Variants in BTBD2 observed in about 807,000 individuals in gnomAD.
BTBD2 encodes the protein BTB/POZ domain-containing protein 2.
Under a neutral mutation model 44.0 loss-of-function variants are expected in BTBD2, and 15 were observed. That is an observed-to-expected ratio of 0.34 (90% CI 0.23 to 0.53). The LOEUF (loss-of-function observed/expected upper bound fraction) is 0.53. Among genes scored for constraint, BTBD2 ranks in the 20% least tolerant of loss-of-function variants. The pLI is 0.95. For missense variants in BTBD2, 657 were observed against 746.4 expected (o/e 0.88, Z 1.39); for synonymous variants, 443 against 335.9 (o/e 1.32, Z -3.49).
At chr19:2,009,718 C>T (rs34822424) in intron 1 of BTBD2, among the ~76,000 whole-genome samples, 71,345 of 151,542 alleles carry the variant, frequency 0.47, 17,940 homozygotes, top group East Asian at 0.7. Context: ...GGCGTGGTGG[C>T]GCACACCTGT....
At chr19:2,003,773 GAAAAA>G (rs55653804) in intron 1 of BTBD2, among the ~76,000 whole-genome samples, 1 of 122,498 alleles carries the variant, frequency 8.2e-6, no homozygotes, top group African/African-American at 2.8e-5. Flanking sequence ...CTCCGTCAAA[GAAAAA>G]AAAAAAAAAG....
intron 6 of BTBD2, 88 bp from the exon 7 acceptor site, chr19:1,987,341 C>G: frequency 6.6e-7 from 1 of 1,510,118 alleles, no homozygotes; most frequent in African/African-American, 1.4e-5. Flanking sequence ...GCCCGGTCCC[C>G]TCCATCGTCC....
chr19:2,007,121 G>C (rs2016405087), intron 1 of BTBD2, among the ~76,000 whole-genome samples: 1 of 152,182 alleles, frequency 6.6e-6, no homozygotes, highest in Non-Finnish European at 1.5e-5. Context: ...CTCCCAAAGT[G>C]CTGGGATTAC....
At chr19:2,001,521 G>A (rs952926760) in intron 1 of BTBD2, among the ~76,000 whole-genome samples, 3 of 152,300 alleles carry the variant, frequency 2.0e-5, no homozygotes, top group Non-Finnish European at 2.9e-5. Context: ...GTTAAAGACC[G>A]AAAGAATTGT....
At chr19:2,011,182 A>C (rs115792992) in intron 1 of BTBD2, among the ~76,000 whole-genome samples, 1 of 151,994 alleles carries the variant, frequency 6.6e-6, no homozygotes, top group African/African-American at 2.4e-5. Flanking sequence ...TCCAGCCAGA[A>C]GTCTGGGGAC....
At chr19:1,988,847 C>G (rs1399415419) in intron 5 of BTBD2, among the ~76,000 whole-genome samples, 1 of 152,214 alleles carries the variant, frequency 6.6e-6, no homozygotes, top group Non-Finnish European at 1.5e-5. Flanking sequence ...AAGTGATTCC[C>G]CCCATCTTGG....
At chr19:2,000,615 C>T (rs1272160181) in intron 1 of BTBD2, among the ~76,000 whole-genome samples, 2 of 152,174 alleles carry the variant, frequency 1.3e-5, no homozygotes, top group South Asian at 2.1e-4. Context: ...CCCTGGGCAC[C>T]GCTACTGCCT....
At chr19:2,010,116 G>A (rs576526872) in intron 1 of BTBD2, among the ~76,000 whole-genome samples, 168 of 151,708 alleles carry the variant, frequency 1.1e-3, no homozygotes, top group African/African-American at 3.8e-3. Flanking sequence ...CGCGCCACTG[G>A]ACTCCAGCCT....
In BTBD2 at chr19:1,990,828, A is replaced by C. The variant is rs1568215528; in HGVS notation, c.685-6T>G. 4 of 1,554,986 alleles carry C rather than the reference A, an allele frequency of 2.6e-6. No individual in the cohort carries two copies. The Admixed American group carries it at 5.8e-5, about 22-fold the overall frequency. On this transcript the variant is annotated splice_polypyrimidine_tract_variant and splice_region_variant and intron_variant, in intron 3 of 8. Coordinates refer to ENST00000255608, the MANE Select transcript of BTBD2 (RefSeq NM_017797.4). ...GGTTCATCGAAGAGTCGCGCCTGGC[A>C]AGAGACATCGACGGGGGGCGCGGTG...
At chr19:1,998,093 TCA>T (rs34588963) in intron 1 of BTBD2, among the ~76,000 whole-genome samples, 60,481 of 151,562 alleles carry the variant, frequency 0.4, 12,987 homozygotes, top group African/African-American at 0.56. Flanking sequence ...ACTCACCCAT[TCA>T]CACACACACA....
chr19:1,997,503 C>T (rs572872103), intron 1 of BTBD2, 40 bp from the exon 2 acceptor site: 32 of 1,610,564 alleles, frequency 2.0e-5, no homozygotes, highest in African/African-American at 6.7e-5. Context: ...AGCCCGTGGC[C>T]GCCACCCCAC....
rs780009775 is a variant in BTBD2, at chr19:2,015,326, C to T, written c.378G>A (p.Gly126=). Residue 126 remains glycine, a synonymous_variant, in exon 1 of 9, where the codon GGG becomes GGA. Transcript: ENST00000255608. ...GCGCGGGGATGCGCTGCGAGCTGAG[C>T]CCCTTGCCCACCAGGAAGTGCACGT... ...LCDVHFLVGK[G]LSSQRIPAHR... 4.2e-5 allele frequency: 66 copies of T among 1,577,010 alleles called. No individual in the cohort carries two copies. The highest frequency in any genetic ancestry group is 5.6e-5 in the Non-Finnish European group (65 of 1,169,214).
At chr19:1,989,254 T>C in intron 5 of BTBD2, 1 of 152,488 alleles carries the variant, frequency 6.6e-6, no homozygotes, top group South Asian at 2.1e-4. Flanking sequence ...AAGCCTTGTG[T>C]GGTGGTGGCA....
intron 5 of BTBD2, chr19:1,989,691 G>A: frequency 2.4e-6 from 1 of 414,414 alleles, no homozygotes; most frequent in South Asian, 2.3e-5. Context: ...CACAGACACT[G>A]GTACCTGCAC....
At chr19:1,999,264 C>G (rs552557123) in intron 1 of BTBD2, among the ~76,000 whole-genome samples, 123 of 152,338 alleles carry the variant, frequency 8.1e-4, no homozygotes, top group Admixed American at 1.6e-3. Context: ...ACATCCGCCC[C>G]GAACCTCGGA....
chr19:1,992,161 C>A (rs913965908), intron 3 of BTBD2: 2 of 152,134 alleles, frequency 1.3e-5, no homozygotes, highest in Non-Finnish European at 2.9e-5. Flanking sequence ...GGCGCCATCT[C>A]CACTCACTGC....
At chr19:1,987,071 A>G in intron 7 of BTBD2, 95 bp from the exon 8 acceptor site, 1 of 1,591,204 alleles carries the variant, frequency 6.3e-7, no homozygotes, top group Admixed American at 1.7e-5. Flanking sequence ...GGGGCAGCAC[A>G]GGGACCAGGG....
intron 1 of BTBD2, 86 bp from the exon 2 acceptor site, chr19:1,997,549 C>G: frequency 6.4e-7 from 1 of 1,568,420 alleles, no homozygotes; most frequent in East Asian, 2.2e-5. Flanking sequence ...TGGGTGACCA[C>G]CCCACTAGGG....
intron 1 of BTBD2, among the ~76,000 whole-genome samples, chr19:2,000,903 G>C (rs2016321563): frequency 6.6e-6 from 1 of 152,142 alleles, no homozygotes; most frequent in South Asian, 2.1e-4. Context: ...TGAAGACGTC[G>C]TGCTCTATGA....
Sources: gnomAD v4.1 joint callset for allele counts (sites outside exome capture counted in the v4.1 genomes callset) on GRCh38, gnomAD v4.1.1 for gene constraint, MANE v1.5 for transcripts, NCBI Gene and HGNC (gene_info 2026-07-23, HGNC 2026-07-21) for gene names.